Variants in EFNA5 observed in about 807,000 individuals in gnomAD.
EFNA5 encodes the protein ephrin-A5.
Under a neutral mutation model 22.9 loss-of-function variants are expected in EFNA5, and 5 were observed. The observed-to-expected ratio is 0.22, with a 90% CI of 0.11 to 0.46. EFNA5 has a LOEUF of 0.46. Ranked by LOEUF, EFNA5 falls within the 20% of genes least tolerant of loss-of-function variation. EFNA5 has a pLI of 0.99. For missense variants in EFNA5, 237 were observed against 293.3 expected, an observed-to-expected ratio of 0.81 and a Z score of 1.40; for synonymous variants, 113 against 112.2, an observed-to-expected ratio of 1.01 and a Z score of -0.04.
At chr5:107,460,314 A>G (rs1749801493) in intron 1 of EFNA5, among the ~76,000 whole-genome samples, 1 of 152,172 alleles carries the variant, frequency 6.6e-6, no homozygotes, top group African/African-American at 2.4e-5. Flanking sequence ...ACCATGGAGC[A>G]AAGGATTATC....
chr5:107,597,865 T>C (rs1749507670), intron 1 of EFNA5, among the ~76,000 whole-genome samples: 1 of 152,130 alleles, frequency 6.6e-6, no homozygotes, highest in Admixed American at 6.5e-5. Flanking sequence ...CTGATAGAAG[T>C]GCATCCCCCG....
chr5:107,627,423 C>CA (rs951734891), intron 1 of EFNA5, among the ~76,000 whole-genome samples: 2 of 152,102 alleles, frequency 1.3e-5, no homozygotes, highest in African/African-American at 4.8e-5. Context: ...TTACAACACA[C>CA]ACCAAAAATA....
intron 1 of EFNA5, among the ~76,000 whole-genome samples, chr5:107,523,448 C>T (rs1747635511): frequency 6.6e-6 from 1 of 152,084 alleles, no homozygotes. Flanking sequence ...GTGCAAACAC[C>T]CAAAAGGCTA....
chr5:107,387,207 T>A (rs774993870), intron 4 of EFNA5, 28 bp downstream of exon 4: 2 of 1,502,268 alleles, frequency 1.3e-6, no homozygotes, highest in Non-Finnish European at 1.8e-6. Context: ...GATGCATTTG[T>A]TAAAAGAGAT....
chr5:107,641,133 G>A (rs766273591), intron 1 of EFNA5, among the ~76,000 whole-genome samples: 14 of 152,230 alleles, frequency 9.2e-5, no homozygotes, highest in Non-Finnish European at 1.6e-4. Context: ...CAAGGCAGGT[G>A]GATTGCTTGA....
At chr5:107,391,266 G>T (rs1747789159) in intron 2 of EFNA5, among the ~76,000 whole-genome samples, 1 of 152,176 alleles carries the variant, frequency 6.6e-6, no homozygotes, top group South Asian at 2.1e-4. Flanking sequence ...TTGTGTTGTG[G>T]TTCTTCAAGC....
intron 1 of EFNA5, among the ~76,000 whole-genome samples, chr5:107,437,009 T>C (rs973742144): frequency 7.2e-5 from 11 of 152,204 alleles, no homozygotes; most frequent in Admixed American, 6.5e-4. Flanking sequence ...TAATAGTTCT[T>C]AAGTACTTGG....
chr5:107,418,866 T>G (rs569955228), intron 2 of EFNA5, among the ~76,000 whole-genome samples: 15 of 152,366 alleles, frequency 9.8e-5, no homozygotes, highest in African/African-American at 3.6e-4. Context: ...GGCATTAATT[T>G]CTCTGATTCT....
intron 1 of EFNA5, among the ~76,000 whole-genome samples, chr5:107,645,806 T>A (rs1469589940): frequency 6.6e-6 from 1 of 152,238 alleles, no homozygotes; most frequent in African/African-American, 2.4e-5. Flanking sequence ...AATTAGCTAC[T>A]TAGCTATTAT....
intron 2 of EFNA5, among the ~76,000 whole-genome samples, chr5:107,411,438 AT>A (rs1400968983): frequency 6.6e-6 from 1 of 152,246 alleles, no homozygotes; most frequent in Admixed American, 6.5e-5. Context: ...ATATAAGCCA[AT>A]CAAATTCCTT....
intron 1 of EFNA5, among the ~76,000 whole-genome samples, chr5:107,529,778 C>A (rs562147791): frequency 5.9e-5 from 9 of 152,288 alleles, no homozygotes; most frequent in Admixed American, 5.2e-4. Flanking sequence ...TGGCCAACCC[C>A]CTTCCCTCCA....
Position 107,614,480 on chromosome 5 carries a change from G to A in EFNA5, c.125+56009C>T, listed in dbSNP as rs1001037490. ...CTGTTAAAAAATAAGTTAGTCATAT[G>A]AGATAACACTCAGCTTTAGATGGTT... is the stretch of plus-strand genomic sequence containing the variant. On this transcript the variant is annotated intron_variant, in intron 1 of 4. Transcript: ENST00000333274. Among the ~76,000 whole-genome samples the A allele has an allele frequency of 3.9e-5, 6 of 152,188 alleles. No homozygotes were observed. The South Asian group carries it at 1.0e-3, about 26-fold the overall frequency.
Position 107,422,129 on chromosome 5 carries a change from G to C in EFNA5, c.418+5088C>G, listed in dbSNP as rs558085949. On this transcript the variant is annotated intron_variant, in intron 2 of 4. Coordinates refer to ENST00000333274, the MANE Select transcript of EFNA5 (RefSeq NM_001962.3). ...TGCTTACTCACTTAACTTCCTCCCA[G>C]ATCAGCTAGTTCTCATCTGTGTGAA... 3.3e-5 allele frequency among the ~76,000 whole-genome samples: 5 copies of C among 152,218 alleles called. No homozygotes were observed. The South Asian group carries it at 1.0e-3, about 32-fold the overall frequency.
intron 1 of EFNA5, among the ~76,000 whole-genome samples, chr5:107,563,852 C>G (rs995368843): frequency 1.3e-5 from 2 of 152,188 alleles, no homozygotes; most frequent in African/African-American, 4.8e-5. Flanking sequence ...CTCACCTGAC[C>G]TTAAGATTAT....
At chr5:107,472,771 ACAACT>A (rs1750173622) in intron 1 of EFNA5, among the ~76,000 whole-genome samples, 2 of 152,228 alleles carry the variant, frequency 1.3e-5, no homozygotes, top group South Asian at 4.1e-4. Flanking sequence ...CCAAAAAGGT[ACAACT>A]CATGTGGGAG....
At chr5:107,394,126 C>A (rs1252848860) in intron 2 of EFNA5, among the ~76,000 whole-genome samples, 1 of 152,192 alleles carries the variant, frequency 6.6e-6, no homozygotes, top group East Asian at 1.9e-4. Context: ...TGATGAAATA[C>A]ATCTCACTCA....
chr5:107,459,375 T>TG (rs11381139), intron 1 of EFNA5, among the ~76,000 whole-genome samples: 18,236 of 91,456 alleles, frequency 0.2, 1,195 homozygotes, highest in African/African-American at 0.26. Context: ...TTGGAACACA[T>TG]GAAAAAAAAA....
intron 2 of EFNA5, among the ~76,000 whole-genome samples, chr5:107,413,928 G>A (rs1282024519): frequency 6.6e-6 from 1 of 152,054 alleles, no homozygotes; most frequent in African/African-American, 2.4e-5. Flanking sequence ...GAGCTCCCTG[G>A]ATTATACCAA....
intron 1 of EFNA5, among the ~76,000 whole-genome samples, chr5:107,634,740 G>C (rs552586560): frequency 8.2e-6 from 1 of 121,806 alleles, no homozygotes; most frequent in South Asian, 2.6e-4. Context: ...TTTCAAATGG[G>C]AGAAGTTCAG....
Sources: gnomAD v4.1 joint callset for allele counts (sites outside exome capture counted in the v4.1 genomes callset) on GRCh38, gnomAD v4.1.1 for gene constraint, MANE v1.5 for transcripts, NCBI Gene and HGNC (gene_info 2026-07-23, HGNC 2026-07-21) for gene names.